The following BCLAF3 variants were observed in gnomAD, a reference collection of about 807,000 sequenced individuals.
BCLAF3 encodes the protein BCLAF1 and THRAP3 family member 3, also known as transient octamer binding factor 1.
A neutral mutation model predicts 51.2 loss-of-function variants in BCLAF3; 24 were observed. That is an observed-to-expected ratio of 0.47 (90% confidence interval 0.34 to 0.66). The LOEUF is 0.66. Ranked by LOEUF, BCLAF3 falls within the 30% of genes least tolerant of loss-of-function variation. The pLI, the probability that BCLAF3 is intolerant of heterozygous loss-of-function variation, is 0.01. For missense variants in BCLAF3, 465 were observed against 525.1 expected, an observed-to-expected ratio of 0.89 and a Z score of 1.12; for synonymous variants, 152 against 176.6, an observed-to-expected ratio of 0.86 and a Z score of 1.10.
intron 1 of BCLAF3, among the ~76,000 whole-genome samples, chrX:19,978,251 C>G (rs895083787): frequency 2.7e-5 from 3 of 111,843 alleles, no homozygotes; most frequent in Admixed American, 9.5e-5. Context: ...TCTGATGGAT[C>G]TGGGGAAAGT....
intron 11 of BCLAF3, among the ~76,000 whole-genome samples, chrX:19,925,038 A>C (rs181400707): frequency 1.2e-4 from 13 of 111,825 alleles, no homozygotes; most frequent in Middle Eastern, 4.6e-3. Context: ...CCACAATGGA[A>C]TATGACAAGT....
chrX:19,967,134 G>T (rs2072084160), intron 2 of BCLAF3, among the ~76,000 whole-genome samples: 1 of 111,958 alleles, frequency 8.9e-6, no homozygotes, highest in East Asian at 2.8e-4. Flanking sequence ...ATAAATTAGA[G>T]TCTAAGATTT....
intron 8 of BCLAF3, among the ~76,000 whole-genome samples, chrX:19,938,558 G>T (rs748411138): frequency 8.9e-6 from 1 of 111,871 alleles, no homozygotes; most frequent in African/African-American, 3.2e-5. Context: ...ATCACACCCC[G>T]CTAATTTTTT....
At chrX:19,989,134 TAAA>T (rs368934510) in intron 1 of BCLAF3, among the ~76,000 whole-genome samples, 1 of 99,237 alleles carries the variant, frequency 1.0e-5, no homozygotes. Flanking sequence ...CAATTCACAT[TAAA>T]AAAAAAAAAA....
intron 4 of BCLAF3, among the ~76,000 whole-genome samples, chrX:19,960,442 C>T (rs2071813307): frequency 9.0e-6 from 1 of 111,334 alleles, no homozygotes; most frequent in Admixed American, 9.6e-5. Context: ...CAACAGAATC[C>T]CTACACAAGG....
At chrX:19,933,981 G>T (rs770836747) in intron 10 of BCLAF3, among the ~76,000 whole-genome samples, 8 of 110,802 alleles carry the variant, frequency 7.2e-5, no homozygotes, top group African/African-American at 2.6e-4. Context: ...TTGCCATGTT[G>T]CCCAGGCTCT....
chrX:19,953,735 TC>T, intron 6 of BCLAF3, 42 bp downstream of exon 6: 1 of 1,052,602 alleles, frequency 9.5e-7, no homozygotes, highest in East Asian at 3.0e-5. Flanking sequence ...CTGAGGTATA[TC>T]CCCATTAGTT....
In BCLAF3 at chrX:19,916,578, A is replaced by G. The variant is rs1037943941; in HGVS notation, c.*727T>C. ...AAGCCTTTAAAAATATGATATGCAC[A>G]AGCTTGCCCTGAGGGAAAAATAAGA... On this transcript the variant is annotated 3_prime_UTR_variant, in exon 12 of 12. Coordinates refer to ENST00000379682, the MANE Select transcript of BCLAF3 (RefSeq NM_001367774.2). 1 of 112,685 alleles carries G rather than the reference A, an allele frequency of 8.9e-6. No individual in the cohort carries two copies. Among genetic ancestry groups the G allele is most frequent in the African/African-American group, 3.2e-5 (1 of 31,002 alleles). The allele number at this position is 112,685 out of a possible 1,213,427, so 9.3% of individuals were successfully genotyped here.
At chrX:19,957,988 T>G (rs1410197644) in intron 4 of BCLAF3, among the ~76,000 whole-genome samples, 1 of 111,779 alleles carries the variant, frequency 8.9e-6, no homozygotes, top group Non-Finnish European at 1.9e-5. Context: ...AAGTTAATAA[T>G]TTCAGGAAAT....
chrX:19,971,889 C>T (rs976883136), intron 1 of BCLAF3, among the ~76,000 whole-genome samples: 4 of 112,079 alleles, frequency 3.6e-5, no homozygotes, highest in African/African-American at 1.3e-4. Flanking sequence ...GCAGTTTTTC[C>T]ACCCACAGAT....
intron 8 of BCLAF3, among the ~76,000 whole-genome samples, chrX:19,939,168 T>C (rs182265434): frequency 1.1e-4 from 12 of 112,498 alleles, no homozygotes; most frequent in Admixed American, 1.0e-3. Context: ...ATTTAAAATA[T>C]ACACATATGT....
intron 4 of BCLAF3, among the ~76,000 whole-genome samples, chrX:19,962,535 T>C (rs759251893): frequency 2.7e-5 from 3 of 112,232 alleles, no homozygotes; most frequent in Non-Finnish European, 5.6e-5. Context: ...TGATTGTATA[T>C]AATTTTACCT....
Position 19,990,922 on chromosome X carries a change from CCCGCCGCCGCCGCCG to C in BCLAF3, c.-64_-50del, listed in dbSNP as rs748679368. Among the ~76,000 whole-genome samples the C allele has an allele frequency of 0.039, 3,299 of 84,559 alleles. 87 individuals carry two copies. The highest frequency in any genetic ancestry group is 0.16 in the East Asian group (408 of 2,580). 73.4% of individuals were successfully genotyped at this position (84,559 alleles called of 115,157 possible). ...GAGCCGCTCACCCGGCCGGGAAGCC[CCCGCCGCCGCCGCCG>C]CCGCCGCCGCCGCCGCCGCCGCCGC... On this transcript the variant is annotated 5_prime_UTR_variant, in exon 1 of 12. Transcript: ENST00000379682.
chrX:19,966,292 T>C lies in BCLAF3; in HGVS notation c.399A>G (p.Lys133=). 1 of 1,211,889 alleles carries C rather than the reference T, an allele frequency of 8.3e-7. No individual in the cohort carries two copies. The highest frequency in any genetic ancestry group is 1.1e-6 in the Non-Finnish European group (1 of 895,521). ...KEHERNSYPQ[K]VQGGHSPDDH... Reference sequence around the variant, plus strand: ...CATCAGGACTATGCCCTCCTTGCACTTTCTGGGGATAAGAATTCCTTTCAT... The same window carrying C: ...CATCAGGACTATGCCCTCCTTGCACCTTCTGGGGATAAGAATTCCTTTCAT... The change falls in exon 3 of 12, where the codon AAA becomes AAG. Residue 133 remains lysine, a synonymous_variant. Transcript: ENST00000379682.
Position 19,966,119 on chromosome X carries a change from C to T in BCLAF3, c.572G>A (p.Gly191Asp), listed in dbSNP as rs2072043762. The T allele has an allele frequency of 8.3e-7, 1 of 1,209,369 alleles. No individual in the cohort carries two copies. The highest frequency in any genetic ancestry group is 2.2e-5 in the Admixed American group (1 of 45,649). Residue 191 changes from glycine (G) to aspartate (D), a missense_variant, in exon 3 of 12, where the codon GGC (glycine) becomes GAC (aspartate). Physicochemically the swap from Gly to Asp is moderately conservative, Grantham distance 94. Transcript: ENST00000379682. The stretch of plus-strand genomic sequence containing the variant: ...GCTCCTTGTCTCAAAGTCTTCAGAG[C>T]CTCTTCTAGTTGACTGGGAGTATTT... Reference protein sequence around the residue: ...EEKYSQSTRRGSEDFETRSSF... With the variant: ...EEKYSQSTRRDSEDFETRSSF...
chrX:19,986,028 T>C (rs2072790870), intron 1 of BCLAF3, among the ~76,000 whole-genome samples: 1 of 110,524 alleles, frequency 9.0e-6, no homozygotes, highest in Non-Finnish European at 1.9e-5. Flanking sequence ...ATCTAATTAA[T>C]AATTCAAAAT....
rs191544462 is a variant in BCLAF3, at chrX:19,970,735, G to A, written c.-34-437C>T. ...ATGTTGAAATATTTTGAATATACTA[G>A]GTTAAAGGCACTATGTTGGTCAAAT... On this transcript the variant is annotated intron_variant, in intron 1 of 11. Transcript: ENST00000379682. Among the ~76,000 whole-genome samples the A allele has an allele frequency of 6.2e-3, 688 of 111,544 alleles. 2 individuals carry two copies. The highest frequency in any genetic ancestry group is 0.028 in the South Asian group (75 of 2,674).
chrX:19,962,339 A>G (rs1013173118), intron 4 of BCLAF3, among the ~76,000 whole-genome samples: 5 of 110,481 alleles, frequency 4.5e-5, no homozygotes, highest in African/African-American at 1.3e-4. Flanking sequence ...ATGTCAACAC[A>G]CCCAGCTAAT....
chrX:19,938,062 C>T (rs1311070897), intron 8 of BCLAF3, among the ~76,000 whole-genome samples: 1 of 111,196 alleles, frequency 9.0e-6, no homozygotes, highest in African/African-American at 3.3e-5. Flanking sequence ...CCTCCTCTCT[C>T]CCGTCATCAT....
Sources: gnomAD v4.1 joint callset for allele counts (sites outside exome capture counted in the v4.1 genomes callset) on GRCh38, gnomAD v4.1.1 for gene constraint, MANE v1.5 for transcripts, NCBI Gene and HGNC (gene_info 2026-07-23, HGNC 2026-07-21) for gene names.